Variants in CSMD1 observed in about 807,000 individuals in gnomAD.
CSMD1 encodes the protein CUB and Sushi multiple domains 1, also known as CUB and sushi domain-containing protein 1.
In CSMD1, 213 loss-of-function variants were observed where a neutral mutation model predicts 417.5. The ratio of observed to expected loss-of-function variants is 0.51; its 90% CI spans 0.46 to 0.57. CSMD1 has a LOEUF of 0.57. Ranked by LOEUF, CSMD1 falls within the 20% of genes least tolerant of loss-of-function variation. The pLI is 0.00. For missense variants in CSMD1, 6,923 were observed against 4,529.7 expected (o/e 1.53, Z -15.17); for synonymous variants, 2,862 against 1,736.8 (o/e 1.65, Z -16.11).
In CSMD1 at chr8:4,011,462, G is replaced by C. The variant is rs528554318; in HGVS notation, c.611-13352C>G. Reference sequence around the variant, plus strand: ...ACGTCTCAAAGATGTCCACATTTGCGGTCTTTAACCTTGTTACATCCTCTC... The same window carrying C: ...ACGTCTCAAAGATGTCCACATTTGCCGTCTTTAACCTTGTTACATCCTCTC... On this transcript the variant is annotated intron_variant, in intron 4 of 69. Transcript: ENST00000635120. Among the ~76,000 whole-genome samples the C allele has an allele frequency of 3.3e-5, 5 of 152,126 alleles. No individual in the cohort carries two copies. In the South Asian group the frequency reaches 8.3e-4, roughly 25 times the overall value.
chr8:4,750,624 C>T (rs1400255629), intron 1 of CSMD1, among the ~76,000 whole-genome samples: 1 of 151,796 alleles, frequency 6.6e-6, no homozygotes, highest in Non-Finnish European at 1.5e-5. Flanking sequence ...TAAGAGAATA[C>T]CAAGGACATA....
At chr8:3,361,210 T>G (rs1045405358) in intron 20 of CSMD1, among the ~76,000 whole-genome samples, 1 of 152,182 alleles carries the variant, frequency 6.6e-6, no homozygotes, top group Non-Finnish European at 1.5e-5. Flanking sequence ...TTAGAACATA[T>G]TAAAATAAAG....
At chr8:3,869,241 G>A (rs1805315455) in intron 5 of CSMD1, among the ~76,000 whole-genome samples, 1 of 152,108 alleles carries the variant, frequency 6.6e-6, no homozygotes, top group Non-Finnish European at 1.5e-5. Context: ...GCCTAGCACT[G>A]CATGCCTTCA....
At chr8:4,827,428 C>G (rs1799898410) in intron 1 of CSMD1, among the ~76,000 whole-genome samples, 3 of 152,134 alleles carry the variant, frequency 2.0e-5, no homozygotes, top group Admixed American at 6.5e-5. Context: ...AAAAGCTCGA[C>G]AGAAACTCTC....
chr8:3,343,006 AC>A (rs1301081246), intron 23 of CSMD1, among the ~76,000 whole-genome samples: 1 of 152,118 alleles, frequency 6.6e-6, no homozygotes, highest in Non-Finnish European at 1.5e-5. Context: ...TGTATACTAT[AC>A]CCCAATCAAT....
chr8:3,928,673 A>AT (rs111386273), intron 5 of CSMD1, among the ~76,000 whole-genome samples: 18,010 of 149,486 alleles, frequency 0.12, 4,053 homozygotes, highest in African/African-American at 0.42. Context: ...GAAGGTATAG[A>AT]TTTTTTTTTA....
At chr8:3,519,325 C>G (rs890056746) in intron 10 of CSMD1, among the ~76,000 whole-genome samples, 1 of 152,056 alleles carries the variant, frequency 6.6e-6, no homozygotes, top group African/African-American at 2.4e-5. Context: ...TAGCTCCAAC[C>G]CCAAATAAAA....
chr8:3,661,026 G>A (rs950805215), intron 7 of CSMD1, among the ~76,000 whole-genome samples: 5 of 152,136 alleles, frequency 3.3e-5, no homozygotes, highest in African/African-American at 4.8e-5. Context: ...TTTGGTATGC[G>A]GATGCTTCCT....
chr8:4,517,263 A>G lies in CSMD1; in HGVS notation c.303-97198T>C, dbSNP rs562342516. Among the ~76,000 whole-genome samples the G allele has an allele frequency of 2.0e-5, 3 of 152,322 alleles. No homozygotes were observed. In the South Asian group the frequency reaches 6.2e-4, roughly 32 times the overall value. ...CAATGAAATAATCATTCAGAGAGTA[A>G]TTTTAGACTAACGTAGTGATAAAAG... On this transcript the variant is annotated intron_variant, in intron 2 of 69. Coordinates refer to ENST00000635120, the MANE Select transcript of CSMD1 (RefSeq NM_033225.6).
intron 41 of CSMD1, chr8:3,128,687 A>G (rs1761625356): frequency 2.8e-6 from 1 of 352,736 alleles, no homozygotes; most frequent in African/African-American, 2.1e-5. Context: ...ATGATACCCT[A>G]CAAGAAAATA....
At chr8:4,131,634 C>G (rs1018040535) in intron 3 of CSMD1, among the ~76,000 whole-genome samples, 2 of 151,718 alleles carry the variant, frequency 1.3e-5, no homozygotes, top group East Asian at 3.9e-4. Context: ...AGCTTCTTGA[C>G]TAGTTCTCAA....
At chr8:4,944,234 A>G (rs1808217678) in intron 1 of CSMD1, among the ~76,000 whole-genome samples, 1 of 152,214 alleles carries the variant, frequency 6.6e-6, no homozygotes, top group African/African-American at 2.4e-5. Context: ...AAAAGATGAT[A>G]GAAAGTAGAG....
At position 3,952,669 on chromosome 8, in the gene CSMD1, A is replaced by T. The variant is rs114696364; in HGVS notation, c.818+45234T>A. Among the ~76,000 whole-genome samples, 800 of 152,346 alleles carry T rather than the reference A, an allele frequency of 5.3e-3. 7 individuals carry two copies. The highest frequency in any genetic ancestry group is 0.018 in the African/African-American group (733 of 41,588). On this transcript the variant is annotated intron_variant, in intron 5 of 69. Coordinates refer to ENST00000635120, the MANE Select transcript of CSMD1 (RefSeq NM_033225.6). ...TGGGGTGATTACAGATTCTGAAATC[A>T]AAGAGATATTATTGTTGCACAGCAT...
chr8:3,147,834 A>G (rs764317095), intron 40 of CSMD1, among the ~76,000 whole-genome samples: 11 of 152,232 alleles, frequency 7.2e-5, no homozygotes, highest in Non-Finnish European at 1.3e-4. Context: ...GAGGCAGAGT[A>G]GTGATAGCAA....
chr8:3,733,393 A>G (rs1235325351), intron 6 of CSMD1, among the ~76,000 whole-genome samples: 2 of 149,334 alleles, frequency 1.3e-5, no homozygotes, highest in Non-Finnish European at 3.0e-5. Flanking sequence ...TATTATCTGG[A>G]TTAGATGATA....
intron 1 of CSMD1, among the ~76,000 whole-genome samples, chr8:4,963,954 A>C (rs1809682664): frequency 6.6e-6 from 1 of 152,188 alleles, no homozygotes; most frequent in Non-Finnish European, 1.5e-5. Context: ...ATTTCATACC[A>C]AATACTCTAT....
chr8:3,595,570 T>C (rs1178864208), intron 8 of CSMD1, among the ~76,000 whole-genome samples: 1 of 152,146 alleles, frequency 6.6e-6, no homozygotes, highest in Non-Finnish European at 1.5e-5. Context: ...CCAACAAAGA[T>C]CCCTTAATGA....
chr8:3,995,241 A>C (rs1219948103), intron 5 of CSMD1, among the ~76,000 whole-genome samples: 3 of 152,196 alleles, frequency 2.0e-5, no homozygotes, highest in African/African-American at 7.2e-5. Context: ...ATAGTTATTT[A>C]GGAGAACCAT....
At chr8:3,241,698 T>A (rs973727496) in intron 26 of CSMD1, among the ~76,000 whole-genome samples, 4 of 151,766 alleles carry the variant, frequency 2.6e-5, no homozygotes, top group Non-Finnish European at 4.4e-5. Context: ...CTGGGGGAGG[T>A]GTTTCTGGAG....
Sources: allele counts gnomAD v4.1 joint callset (sites outside exome capture counted in the v4.1 genomes callset), GRCh38; gene constraint gnomAD v4.1.1; transcripts MANE v1.5; gene names NCBI Gene and HGNC (gene_info 2026-07-23, HGNC 2026-07-21).